Variants in NRG3 observed in about 807,000 individuals in gnomAD.
The protein encoded by NRG3 is pro-neuregulin-3, membrane-bound isoform.
A neutral mutation model predicts 66.9 loss-of-function variants in NRG3; 31 were observed. The observed-to-expected ratio is 0.46, with a 90% CI of 0.35 to 0.63. The LOEUF (loss-of-function observed/expected upper bound fraction) is 0.63. Among genes scored for constraint, NRG3 ranks in the 20% least tolerant of loss-of-function variants. NRG3 has a pLI of 0.00. For missense variants in NRG3, 910 were observed against 878.9 expected (o/e 1.04, Z -0.45); for synonymous variants, 393 against 359.4 (o/e 1.09, Z -1.06).
chr10:81,884,653 G>T (rs940792567), intron 1 of NRG3, among the ~76,000 whole-genome samples: 12 of 152,070 alleles, frequency 7.9e-5, no homozygotes, highest in African/African-American at 2.9e-4. Context: ...AAACTATATG[G>T]GAGGCTATCC....
intron 1 of NRG3, among the ~76,000 whole-genome samples, chr10:82,087,990 G>A (rs894657227): frequency 8.5e-5 from 13 of 152,132 alleles, no homozygotes; most frequent in Admixed American, 5.9e-4. Context: ...CTCAGAGTAG[G>A]TAGGGTCTGG....
chr10:82,230,259 G>C (rs996262186), intron 1 of NRG3: 6 of 152,098 alleles, frequency 3.9e-5, no homozygotes, highest in African/African-American at 1.2e-4. Flanking sequence ...TTAGTTCCAG[G>C]GCTCCCAGAA....
At position 82,741,371 on chromosome 10, in the gene NRG3, G is replaced by A. The variant is rs534470228; in HGVS notation, c.1027+2721G>A. The stretch of plus-strand genomic sequence containing the variant: ...GGTGTAACATTTACCCTTTTCCGAC[G>A]TTAGCAGATTTGATTCGGCTTCCAG... On this transcript the variant is annotated intron_variant, in intron 3 of 8. Coordinates refer to ENST00000372141, the MANE Select transcript of NRG3 (RefSeq NM_001010848.4). Among the ~76,000 whole-genome samples the A allele has an allele frequency of 7.2e-5, 11 of 152,244 alleles. No homozygotes were observed. The East Asian group carries it at 1.7e-3, about 24-fold the overall frequency.
At chr10:81,964,837 G>A (rs2059671751) in intron 1 of NRG3, among the ~76,000 whole-genome samples, 1 of 151,998 alleles carries the variant, frequency 6.6e-6, no homozygotes, top group African/African-American at 2.4e-5. Flanking sequence ...TTAATTAGGT[G>A]TCCCATATTT....
intron 1 of NRG3, among the ~76,000 whole-genome samples, chr10:82,349,967 C>A (rs889653074): frequency 2.6e-5 from 4 of 152,148 alleles, no homozygotes; most frequent in Non-Finnish European, 2.9e-5. Context: ...CACTGTCTGG[C>A]ACTCCCTAGT....
chr10:82,241,945 AT>A (rs2077024007), intron 1 of NRG3, among the ~76,000 whole-genome samples: 1 of 152,152 alleles, frequency 6.6e-6, no homozygotes, highest in South Asian at 2.1e-4. Context: ...GACCCACCAA[AT>A]TGAAGATTAC....
intron 1 of NRG3, among the ~76,000 whole-genome samples, chr10:82,253,567 C>T (rs1156655802): frequency 6.6e-6 from 1 of 152,192 alleles, no homozygotes; most frequent in Admixed American, 6.5e-5. Flanking sequence ...TTCATTCTCA[C>T]TTCAAACACA....
intron 2 of NRG3, among the ~76,000 whole-genome samples, chr10:82,369,219 A>G (rs1589875643): frequency 7.2e-6 from 1 of 139,026 alleles, no homozygotes; most frequent in Non-Finnish European, 1.5e-5. Context: ...TCGCCTCCCC[A>G]CTAAACTCTC....
At chr10:82,523,612 A>G (rs184855607) in intron 2 of NRG3, among the ~76,000 whole-genome samples, 1 of 152,120 alleles carries the variant, frequency 6.6e-6, no homozygotes, top group Admixed American at 6.5e-5. Context: ...TTATTTATAT[A>G]TACTATGTAC....
chr10:82,030,494 A>G (rs2062515032), intron 1 of NRG3, among the ~76,000 whole-genome samples: 1 of 152,218 alleles, frequency 6.6e-6, no homozygotes, highest in Middle Eastern at 3.4e-3. Context: ...TACACATAAG[A>G]CATGTAGATG....
chr10:82,332,368 T>C (rs769900015), intron 1 of NRG3, among the ~76,000 whole-genome samples: 74 of 152,240 alleles, frequency 4.9e-4, no homozygotes, highest in Non-Finnish European at 7.9e-4. Context: ...ACCAGGGTAA[T>C]GGGGAGCGGA....
chr10:82,878,448 T>C (rs987500646), intron 4 of NRG3, among the ~76,000 whole-genome samples: 1 of 152,236 alleles, frequency 6.6e-6, no homozygotes, highest in Admixed American at 6.5e-5. Context: ...CTTGGGATTT[T>C]ACTTCAAATA....
chr10:82,638,139 G>T (rs984018954), intron 2 of NRG3, among the ~76,000 whole-genome samples: 3 of 152,102 alleles, frequency 2.0e-5, no homozygotes, highest in Non-Finnish European at 2.9e-5. Flanking sequence ...GAGGAAAAAA[G>T]ATACGATGCT....
In NRG3 at chr10:82,565,738, G is replaced by A. The variant is rs937939133; in HGVS notation, c.954-172839G>A. On this transcript the variant is annotated intron_variant, in intron 2 of 8. Coordinates refer to ENST00000372141, the MANE Select transcript of NRG3 (RefSeq NM_001010848.4). ...TTCTTCAGATGATTTGGTTTGGGCC[G>A]TATTAAATTTTGACTATTTCACCAC... 9.9e-5 allele frequency among the ~76,000 whole-genome samples: 15 copies of A among 152,092 alleles called. 1 individual carries two copies. The highest frequency in any genetic ancestry group is 4.1e-4 in the South Asian group (2 of 4,820).
intron 4 of NRG3, among the ~76,000 whole-genome samples, chr10:82,878,753 T>C (rs1845764): frequency 0.032 from 4,915 of 152,300 alleles, 130 homozygotes; most frequent in Admixed American, 0.076. Flanking sequence ...TAATTTGGAT[T>C]ACATATAACT....
chr10:81,895,350 A>G (rs1013732822), intron 1 of NRG3, among the ~76,000 whole-genome samples: 5 of 152,150 alleles, frequency 3.3e-5, no homozygotes, highest in African/African-American at 9.7e-5. Context: ...ATACATTCTA[A>G]TAACAGCCCC....
chr10:82,899,679 GC>G (rs1337549597), intron 4 of NRG3, among the ~76,000 whole-genome samples: 3 of 152,174 alleles, frequency 2.0e-5, no homozygotes, highest in African/African-American at 7.2e-5. Flanking sequence ...CTCAAAACTA[GC>G]CTCAGTCATT....
intron 2 of NRG3, among the ~76,000 whole-genome samples, chr10:82,632,033 C>T (rs956041237): frequency 3.3e-5 from 5 of 152,066 alleles, no homozygotes; most frequent in East Asian, 1.9e-4. Flanking sequence ...ACCCGGGAGA[C>T]AGAGGTTGCA....
intron 1 of NRG3, among the ~76,000 whole-genome samples, chr10:81,996,507 T>G (rs1024239907): frequency 1.6e-4 from 24 of 152,222 alleles, no homozygotes; most frequent in African/African-American, 5.8e-4. Context: ...ATATTCTGAC[T>G]AGTATAAGAT....
Sources: allele counts gnomAD v4.1 joint callset (sites outside exome capture counted in the v4.1 genomes callset), GRCh38; gene constraint gnomAD v4.1.1; transcripts MANE v1.5; gene names NCBI Gene and HGNC (gene_info 2026-07-23, HGNC 2026-07-21).